TBC1D19: variants seen among roughly 807,000 people sequenced by gnomAD.
TBC1D19 encodes TBC1 domain family member 19, also known as TBC1 domain family, member 19.
Under a neutral mutation model 89.0 loss-of-function variants are expected in TBC1D19, and 60 were observed. That is an observed-to-expected ratio of 0.67 (90% confidence interval 0.55 to 0.84). The LOEUF is 0.84. Among genes scored for constraint, TBC1D19 ranks in the 40% least tolerant of loss-of-function variants. The pLI is 0.00. For synonymous variants in TBC1D19, 189 were observed against 199.7 expected, an observed-to-expected ratio of 0.95 and a Z score of 0.45; for missense variants, 500 against 610.8, an observed-to-expected ratio of 0.82 and a Z score of 1.91.
chr4:26,653,762 T>C (rs182942345), intron 7 of TBC1D19, among the ~76,000 whole-genome samples: 286 of 152,314 alleles, frequency 1.9e-3, no homozygotes, highest in African/African-American at 6.5e-3. Context: ...TGAGCCTATG[T>C]GTGTCTCTGC....
rs561752547 is a variant in TBC1D19, at chr4:26,613,745, A to G, written c.172+504A>G. 2.6e-5 allele frequency among the ~76,000 whole-genome samples: 4 copies of G among 152,304 alleles called. No individual in the cohort carries two copies. In the East Asian group the frequency reaches 5.8e-4, roughly 22 times the overall value. On this transcript the variant is annotated intron_variant, in intron 2 of 20. Transcript: ENST00000264866. ...GGATAAATACATCCATAAGGTGTTA[A>G]GTATCTCCTTAGTTAAGTAATTTTT...
chr4:26,803,229 A>G, the TBC1D19 span, among the ~76,000 whole-genome samples: 1 of 152,140 alleles, frequency 6.6e-6, no homozygotes, highest in Non-Finnish European at 1.5e-5. Context: ...AAATAAATAA[A>G]CCAATACTTT....
chr4:26,605,382 C>G (rs1161852132), intron 1 of TBC1D19, among the ~76,000 whole-genome samples: 1 of 151,220 alleles, frequency 6.6e-6, no homozygotes, highest in Non-Finnish European at 1.5e-5. Flanking sequence ...AGGACATGGA[C>G]TCATCATTTT....
intron 4 of TBC1D19, among the ~76,000 whole-genome samples, chr4:26,633,122 T>G (rs1742899923): frequency 1.3e-5 from 2 of 152,166 alleles, no homozygotes; most frequent in Non-Finnish European, 1.5e-5. Flanking sequence ...AGGAATTTAC[T>G]GCTTTGGGCC....
chr4:26,684,311 C>G (rs1713622752), intron 12 of TBC1D19, among the ~76,000 whole-genome samples: 1 of 152,128 alleles, frequency 6.6e-6, no homozygotes, highest in African/African-American at 2.4e-5. Context: ...CAATAGAAAG[C>G]CAAGCACCAA....
At chr4:26,613,271 C>A (rs768242187) in intron 2 of TBC1D19, 30 bp downstream of exon 2, 2 of 1,351,546 alleles carry the variant, frequency 1.5e-6, no homozygotes, top group South Asian at 1.3e-5. Flanking sequence ...TAACTTAAGG[C>A]AAAATAAGAA....
At chr4:26,748,548 T>C in intron 19 of TBC1D19, 22 bp downstream of exon 19, 1 of 1,526,290 alleles carries the variant, frequency 6.6e-7, no homozygotes, top group East Asian at 2.3e-5. Context: ...TGCTTGTTTG[T>C]AGAACACATG....
At chr4:26,821,003 G>A in the TBC1D19 span, among the ~76,000 whole-genome samples, 11 of 152,160 alleles carry the variant, frequency 7.2e-5, no homozygotes, top group Non-Finnish European at 1.5e-4. Flanking sequence ...GTATTCACTC[G>A]ACTCAGCTTT....
chr4:26,598,108 T>G (rs1740348105), intron 1 of TBC1D19, among the ~76,000 whole-genome samples: 1 of 152,202 alleles, frequency 6.6e-6, no homozygotes, highest in Admixed American at 6.5e-5. Context: ...TAATATTTAG[T>G]CAATATTATT....
intron 1 of TBC1D19, among the ~76,000 whole-genome samples, chr4:26,587,002 T>G (rs1441106938): frequency 6.6e-6 from 1 of 152,242 alleles, no homozygotes; most frequent in Non-Finnish European, 1.5e-5. Context: ...GATGCTTTTT[T>G]GCAGGTTGAG....
intron 13 of TBC1D19, among the ~76,000 whole-genome samples, chr4:26,713,669 C>A (rs934434359): frequency 2.6e-5 from 4 of 151,998 alleles, no homozygotes; most frequent in Non-Finnish European, 5.9e-5. Flanking sequence ...ATCCCTTACT[C>A]TTTTAAATAT....
At chr4:26,725,717 T>C (rs1163427403) in intron 15 of TBC1D19, among the ~76,000 whole-genome samples, 2 of 152,130 alleles carry the variant, frequency 1.3e-5, no homozygotes, top group African/African-American at 4.8e-5. Context: ...CCAACCCTGA[T>C]TAATACTTCT....
the TBC1D19 span, among the ~76,000 whole-genome samples, chr4:26,811,385 G>A: frequency 1.3e-5 from 2 of 152,178 alleles, no homozygotes; most frequent in African/African-American, 4.8e-5. Context: ...GTGCCAGAGT[G>A]GAGAGAAGGC....
upstream of TBC1D19, among the ~76,000 whole-genome samples, chr4:26,582,516 T>TA (rs1739114172): frequency 6.6e-6 from 1 of 152,210 alleles, no homozygotes; most frequent in Admixed American, 6.5e-5. Flanking sequence ...AAGGGACTGT[T>TA]ATGGTAGTGC....
intron 1 of TBC1D19, among the ~76,000 whole-genome samples, chr4:26,590,176 C>G (rs1197216244): frequency 6.6e-6 from 1 of 152,190 alleles, no homozygotes; most frequent in African/African-American, 2.4e-5. Context: ...TCTCATTTGT[C>G]CTTGAAGGAG....
chr4:26,710,277 C>G (rs1458258784), intron 13 of TBC1D19, among the ~76,000 whole-genome samples: 1 of 151,748 alleles, frequency 6.6e-6, no homozygotes. Flanking sequence ...TGAGAACATG[C>G]GGTGTTTGGT....
the TBC1D19 span, among the ~76,000 whole-genome samples, chr4:26,801,395 G>A: frequency 6.6e-6 from 1 of 152,196 alleles, no homozygotes; most frequent in Non-Finnish European, 1.5e-5. Context: ...GTACCATGCT[G>A]TTGTGGTTAC....
intron 15 of TBC1D19, among the ~76,000 whole-genome samples, chr4:26,725,995 TAAAC>T (rs1717286508): frequency 6.6e-6 from 1 of 152,314 alleles, no homozygotes; most frequent in South Asian, 2.1e-4. Context: ...TTACAAGTGA[TAAAC>T]AACCATCATA....
chr4:26,799,032 A>AATAAAAATAAAGAGG, the TBC1D19 span, among the ~76,000 whole-genome samples: 1 of 152,190 alleles, frequency 6.6e-6, no homozygotes, highest in Non-Finnish European at 1.5e-5. Flanking sequence ...TCTAAAATGA[A>AATAAAAATAAAGAGG]ATAAAAATAA....
Sources: gnomAD v4.1 joint callset for allele counts (sites outside exome capture counted in the v4.1 genomes callset) on GRCh38, gnomAD v4.1.1 for gene constraint, MANE v1.5 for transcripts, NCBI Gene and HGNC (gene_info 2026-07-23, HGNC 2026-07-21) for gene names.